Variants in DCP1B observed in about 807,000 individuals in gnomAD.
DCP1B encodes decapping mRNA 1B, also known as mRNA-decapping enzyme 1B.
DCP1B carries 47 observed loss-of-function variants against 60.5 expected under a neutral mutation model. The observed-to-expected ratio is 0.78, with a 90% CI of 0.61 to 0.99. DCP1B has a LOEUF of 0.99. DCP1B is among the 50% of genes least tolerant of loss of function. The probability of loss-of-function intolerance (pLI) is 0.00; values close to 1 mark genes in which losing one functional copy is unlikely to be tolerated. For synonymous variants in DCP1B, 267 were observed against 280.3 expected (o/e 0.95, Z 0.47); for missense variants, 725 against 756.8 (o/e 0.96, Z 0.49).
intron 3 of DCP1B, among the ~76,000 whole-genome samples, chr12:1,988,550 T>C (rs4141130): frequency 0.31 from 47,172 of 152,100 alleles, 7,554 homozygotes; most frequent in East Asian, 0.54. Context: ...AATAAAGCTA[T>C]TACAGCACGC....
downstream of DCP1B, chr12:1,945,980 A>G: frequency 2.8e-6 from 1 of 358,544 alleles, no homozygotes; most frequent in Non-Finnish European, 5.0e-6. Context: ...GTGTATACCT[A>G]TGTAACAAAC....
intron 3 of DCP1B, chr12:1,991,001 C>CA (rs995752479): frequency 5.9e-6 from 2 of 339,670 alleles, no homozygotes; most frequent in Non-Finnish European, 5.7e-6. Context: ...AAAAAAAAGG[C>CA]AAAATGAATC....
At position 1,955,445 on chromosome 12, in the gene DCP1B, G is replaced by A; in HGVS notation, c.638C>T (p.Pro213Leu). 1.9e-6 allele frequency: 3 copies of A among 1,613,558 alleles called. No individual in the cohort carries two copies. Among genetic ancestry groups the A allele is most frequent in the Non-Finnish European group, 2.5e-6 (3 of 1,179,616 alleles). The change falls in exon 6 of 9, where the codon CCT becomes CTT. Residue 213 changes from proline to leucine, a missense_variant. Coordinates refer to ENST00000280665, the MANE Select transcript of DCP1B (RefSeq NM_152640.5). The stretch of plus-strand genomic sequence containing the variant: ...AGAACTCCGTACCTGGTTGGGCTGA[G>A]GTATACGCTGTTGCTGGTTTTCACT... ...KPSENQQQRI[P>L]QPNQTLDPEP...
chr12:1,982,558 T>G (rs1338166905), intron 3 of DCP1B, among the ~76,000 whole-genome samples: 3 of 152,164 alleles, frequency 2.0e-5, no homozygotes, highest in Non-Finnish European at 4.4e-5. Context: ...TTTATTCTCT[T>G]TTGAGGTTGA....
At chr12:1,945,480 C>T (rs973788697), downstream of DCP1B, among the ~76,000 whole-genome samples, 1 of 152,112 alleles carries the variant, frequency 6.6e-6, no homozygotes, top group Non-Finnish European at 1.5e-5. Context: ...TAGGTATATA[C>T]CCGAAGGATT....
At chr12:1,960,571 A>C (rs2031085927) in intron 5 of DCP1B, among the ~76,000 whole-genome samples, 2 of 152,236 alleles carry the variant, frequency 1.3e-5, no homozygotes, top group Non-Finnish European at 2.9e-5. Flanking sequence ...TATGTGAGGT[A>C]ATACATGTGT....
rs190136888 is a variant in DCP1B, at chr12:1,989,585, A to G, written c.319+3679T>C. The stretch of plus-strand genomic sequence containing the variant: ...AAAAATCAGCCAGGCATGGTGCCAT[A>G]CACCTATAATCCCAGCTACTCAGAG... On this transcript the variant is annotated intron_variant, in intron 3 of 8. Transcript: ENST00000280665. 2.6e-5 allele frequency among the ~76,000 whole-genome samples: 4 copies of G among 152,206 alleles called. No individual in the cohort carries two copies. The East Asian group carries it at 7.8e-4, about 30-fold the overall frequency.
rs762174208 is a variant in DCP1B, at chr12:1,952,714, T to C, written c.1226A>G (p.Asn409Ser). 12 of 1,614,120 alleles carry C rather than the reference T, an allele frequency of 7.4e-6. No homozygotes were observed. In the South Asian group the frequency reaches 7.7e-5, roughly 10 times the overall value. Reference protein sequence around the residue: ...GLAQPPQAYFNGSLPPQTVGH... With the variant: ...GLAQPPQAYFSGSLPPQTVGH... Reference sequence around the variant, plus strand: ...TACTGTCTGAGGTGGAAGGGAGCCATTGAAATAGGCCTGTGGTGGCTGAGC... The same window carrying C: ...TACTGTCTGAGGTGGAAGGGAGCCACTGAAATAGGCCTGTGGTGGCTGAGC... The change falls in exon 7 of 9, where the codon AAT becomes AGT. Residue 409 changes from asparagine (N) to serine (S), a missense_variant. Transcript: ENST00000280665.
In DCP1B at chr12:1,962,903, G is replaced by C. The variant is rs2031173151; in HGVS notation, c.522+2655C>G. On this transcript the variant is annotated intron_variant, in intron 5 of 8. Coordinates refer to ENST00000280665, the MANE Select transcript of DCP1B (RefSeq NM_152640.5). The surrounding 1 kb of genome is among the most constrained non-coding windows in gnomAD (Gnocchi z 4.4). ...TCAAGAAGCTCACAGTCAAGGCAAA[G>C]CATGTTAAAGAAACTTGTCTAACTG... Among the ~76,000 whole-genome samples the C allele has an allele frequency of 6.6e-6, 1 of 152,188 alleles. No homozygotes were observed.
chr12:1,999,208 G>C (rs2041624604), intron 1 of DCP1B, among the ~76,000 whole-genome samples: 1 of 152,216 alleles, frequency 6.6e-6, no homozygotes, highest in Admixed American at 6.5e-5. Flanking sequence ...AGGTGATTCT[G>C]ATGTATGCTA....
downstream of DCP1B, among the ~76,000 whole-genome samples, chr12:1,945,488 A>G (rs553110044): frequency 8.2e-4 from 125 of 152,326 alleles, no homozygotes; most frequent in African/African-American, 3.0e-3. Context: ...TACCCGAAGG[A>G]TTATAACTCT....
At chr12:1,986,569 C>T (rs114711070) in intron 3 of DCP1B, among the ~76,000 whole-genome samples, 3,162 of 152,260 alleles carry the variant, frequency 0.021, 102 homozygotes, top group African/African-American at 0.072. Context: ...TCAGCTTTCC[C>T]TGCAACTGGC....
At chr12:1,969,678 C>T (rs147100794) in intron 3 of DCP1B, among the ~76,000 whole-genome samples, 78 of 151,726 alleles carry the variant, frequency 5.1e-4, no homozygotes, top group African/African-American at 1.8e-3. Context: ...TTCAAGGTTG[C>T]TTCCAGTCCA....
rs184129264 is a variant in DCP1B, at chr12:1,965,977, G to A, written c.387-284C>T. 20 of 324,372 alleles carry A rather than the reference G, an allele frequency of 6.2e-5. No individual in the cohort carries two copies. The East Asian group carries it at 1.4e-3, about 22-fold the overall frequency. The allele number at this position is 324,372 out of a possible 1,614,324, so 20.1% of individuals were successfully genotyped here. On this transcript the variant is annotated intron_variant, in intron 4 of 8. Coordinates refer to ENST00000280665, the MANE Select transcript of DCP1B (RefSeq NM_152640.5). ...ACACAGCCAAGCTCAACACAGCCATGCTCCTTTGTTTACATGTTGTTTATG... is the reference window on the plus strand; with the variant it reads ...ACACAGCCAAGCTCAACACAGCCATACTCCTTTGTTTACATGTTGTTTATG...
intron 6 of DCP1B, among the ~76,000 whole-genome samples, chr12:1,955,104 G>A (rs148530240): frequency 3.3e-5 from 5 of 152,190 alleles, no homozygotes; most frequent in East Asian, 1.9e-4. Context: ...TGATCCTCTC[G>A]CCTCAGCCTC....
At chr12:1,989,284 C>G (rs2038715808) in intron 3 of DCP1B, among the ~76,000 whole-genome samples, 1 of 152,154 alleles carries the variant, frequency 6.6e-6, no homozygotes. Context: ...TGCAATGAGG[C>G]TATGACCAAT....
At position 1,948,121 on chromosome 12, in the gene DCP1B, G is replaced by A. The variant is rs17694584; in HGVS notation, c.1773+965C>T. ...TTTCTTAAAGATTATCTACCAAAAA[G>A]ACACCTAAATATGTTAACTGGGGTG... On this transcript the variant is annotated intron_variant, in intron 8 of 8. Coordinates refer to ENST00000280665, the MANE Select transcript of DCP1B (RefSeq NM_152640.5). This position sits in a 1 kb window ranked among gnomAD's most constrained non-coding sequence, Gnocchi z 4.8. Among the ~76,000 whole-genome samples, 1 of 152,216 alleles carries A rather than the reference G, an allele frequency of 6.6e-6. No individual in the cohort carries two copies. Among genetic ancestry groups the A allele is most frequent in the Admixed American group, 6.5e-5 (1 of 15,288 alleles).
At chr12:1,968,376 A>C (rs1388804815) in intron 3 of DCP1B, among the ~76,000 whole-genome samples, 9 of 151,868 alleles carry the variant, frequency 5.9e-5, no homozygotes, top group Non-Finnish European at 1.5e-5. Flanking sequence ...AAAGCATCAA[A>C]ATTTAAGTCC....
chr12:1,985,036 A>G (rs1387675441), intron 3 of DCP1B, among the ~76,000 whole-genome samples: 1 of 139,712 alleles, frequency 7.2e-6, no homozygotes, highest in Non-Finnish European at 1.6e-5. Context: ...TTTCAAGATT[A>G]AAAAAAAAAA....
Sources: gnomAD v4.1 joint callset for allele counts (sites outside exome capture counted in the v4.1 genomes callset) on GRCh38, gnomAD v4.1.1 for gene constraint, Gnocchi (gnomAD v3.1) non-coding constraint, MANE v1.5 for transcripts, NCBI Gene and HGNC (gene_info 2026-07-23, HGNC 2026-07-21) for gene names.